Variants in SEMA3G observed in about 807,000 individuals in gnomAD.
SEMA3G encodes semaphorin 3G.
Under a neutral mutation model 86.2 loss-of-function variants are expected in SEMA3G, and 70 were observed. The ratio of observed to expected loss-of-function variants is 0.81; its 90% CI spans 0.67 to 0.99. The LOEUF is 0.99. Among genes scored for constraint, SEMA3G ranks in the 50% least tolerant of loss-of-function variants. The pLI, the probability that SEMA3G is intolerant of heterozygous loss-of-function variation, is 0.00. For synonymous variants in SEMA3G, 416 were observed against 441.4 expected (o/e 0.94, Z 0.72); for missense variants, 1,002 against 1,072.4 (o/e 0.93, Z 0.92).
At chr3:52,439,591 C>T (rs1334416301) in intron 12 of SEMA3G, 89 bp downstream of exon 12, 2 of 1,054,486 alleles carry the variant, frequency 1.9e-6, no homozygotes, top group Non-Finnish European at 2.9e-6. Flanking sequence ...CAGGCTGGCT[C>T]CCTACTGGGC....
chr3:52,435,990 G>T lies in SEMA3G; in HGVS notation c.1962C>A (p.Thr654=). The T allele has an allele frequency of 6.2e-7, 1 of 1,613,940 alleles. No homozygotes were observed. Among genetic ancestry groups the T allele is most frequent in the Non-Finnish European group, 8.5e-7 (1 of 1,180,038 alleles). The change falls in exon 16 of 16, where the codon ACC becomes ACA. Residue 654 remains threonine (T), a synonymous_variant. Transcript: ENST00000231721. ...AGAAGCCATGCTCCAGAGTGGTGCA[G>T]GTGTAGGTGCCCGCATCGAAACGGC... is the stretch of plus-strand genomic sequence containing the variant. ...RLSRFDAGTY[T]CTTLEHGFSQ...
chr3:52,444,805 C>G (rs930560394), intron 1 of SEMA3G, 108 bp downstream of exon 1: 17 of 523,880 alleles, frequency 3.2e-5, no homozygotes, highest in Non-Finnish European at 4.1e-5. Context: ...ACACGGCACA[C>G]GCACCCAAAC....
Position 52,441,273 on chromosome 3 carries a change from G to C in SEMA3G, c.804C>G (p.Arg268=). The C allele has an allele frequency of 6.2e-7, 1 of 1,613,210 alleles. No homozygotes were observed. Among genetic ancestry groups the C allele is most frequent in the Admixed American group, 1.7e-5 (1 of 59,992 alleles). ...SNHVTVSRVG[R]VCVNDAGGQR... ...CCTTCCCAGCTCTTACCACGCAGAC[G>C]CGGCCCACGCGGCTGACAGTGACAT... Residue 268 remains arginine, a synonymous_variant, in exon 7 of 16, where the codon CGC becomes CGG. Coordinates refer to ENST00000231721, the MANE Select transcript of SEMA3G (RefSeq NM_020163.3).
chr3:52,444,203 GC>G (rs997429310), intron 1 of SEMA3G, among the ~76,000 whole-genome samples: 2 of 152,084 alleles, frequency 1.3e-5, no homozygotes, highest in Non-Finnish European at 2.9e-5. Context: ...AGACCCTTCA[GC>G]CCCACCCTCT....
At chr3:52,437,457 G>T (rs1410172910) in intron 15 of SEMA3G, 70 bp downstream of exon 15, 4 of 1,483,252 alleles carry the variant, frequency 2.7e-6, no homozygotes, top group Non-Finnish European at 3.7e-6. Flanking sequence ...TGGGGCTCAG[G>T]TCTTGGGGTT....
rs200205387 is a variant in SEMA3G at position 52,435,607 on chromosome 3, G to A, written c.2345C>T (p.Thr782Met). The change falls in exon 16 of 16, where the codon ACG (threonine) becomes ATG (methionine). Residue 782 changes from threonine to methionine, a missense_variant. Coordinates refer to ENST00000231721, the MANE Select transcript of SEMA3G (RefSeq NM_020163.3). ...HNRTPREVEAT is the reference protein window; with the variant it reads ...HNRTPREVEAM The stretch of plus-strand genomic sequence containing the variant: ...CCACCCCTCCTCTGCCCCCTTCTAC[G>A]TGGCCTCCACCTCCCGGGGCGTCCG... 9 of 1,609,438 alleles carry A rather than the reference G, an allele frequency of 5.6e-6. No homozygotes were observed. Among genetic ancestry groups the A allele is most frequent in the Admixed American group, 1.7e-5 (1 of 59,872 alleles).
chr3:52,444,503 GGCACACGCACACAAACTC>G, intron 1 of SEMA3G, among the ~76,000 whole-genome samples: 1 of 149,548 alleles, frequency 6.7e-6, no homozygotes, highest in Non-Finnish European at 1.5e-5. Context: ...ACACAAACAT[GGCACACGCACACAAACTC>G]GGCACACGCA....
At position 52,442,755 on chromosome 3, in the gene SEMA3G, G is replaced by T. The variant is rs1453380661; in HGVS notation, c.268C>A (p.Pro90Thr). 5.0e-6 allele frequency: 8 copies of T among 1,613,950 alleles called. No homozygotes were observed. The East Asian group carries it at 1.8e-4, about 36-fold the overall frequency. The change falls in exon 2 of 16, where the codon CCC (proline) becomes ACC (threonine). Residue 90 changes from proline (P) to threonine (T), a missense_variant. By Grantham distance (38) the Pro-to-Thr change is conservative. Coordinates refer to ENST00000231721, the MANE Select transcript of SEMA3G (RefSeq NM_020163.3). The surrounding 1 kb of genome is among the most constrained non-coding windows in gnomAD (Gnocchi z 6.1). ...SLRLDQAWPDPREVLWPPQPG... is the reference protein window; with the variant it reads ...SLRLDQAWPDTREVLWPPQPG... Reference sequence around the variant, plus strand: ...CTGCCAGTCCAGCTCACCTCCCGGGGATCTGGCCATGCCTGGTCCAGCCGC... The same window carrying T: ...CTGCCAGTCCAGCTCACCTCCCGGGTATCTGGCCATGCCTGGTCCAGCCGC...
chr3:52,441,832 G>A lies in SEMA3G; in HGVS notation c.537C>T (p.Ala179=). The change falls in exon 5 of 16, where the codon GCC becomes GCT. Residue 179 remains alanine, a synonymous_variant. Transcript: ENST00000231721. ...RCPHEPSRPF[A]STFIDGELYT... ...GGCATCACCCACCTATGAAGGTGCT[G>A]GCAAAGGGACGGCTGGGCTCGTGAG... 6.2e-7 allele frequency: 1 copy of A among 1,606,566 alleles called. No individual in the cohort carries two copies. The highest frequency in any genetic ancestry group is 8.5e-7 in the Non-Finnish European group (1 of 1,176,748).
rs747560859 is a variant in SEMA3G, at chr3:52,441,303, C to T, written c.774G>A (p.Ser258=). Residue 258 remains serine (S), a synonymous_variant, in exon 7 of 16, where the codon TCG becomes TCA. Transcript: ENST00000231721. Reference sequence around the variant, plus strand: ...CCACGCGGCTGACAGTGACATGGTTCGAGCCACCATCGGGCGAGGGGACCG... The same window carrying T: ...CCACGCGGCTGACAGTGACATGGTTTGAGCCACCATCGGGCGAGGGGACCG... ...SETVPSPDGG[S]NHVTVSRVGR... 1.1e-4 allele frequency: 183 copies of T among 1,613,520 alleles called. No homozygotes were observed. Among genetic ancestry groups the T allele is most frequent in the Non-Finnish European group, 1.5e-4 (175 of 1,180,042 alleles).
In SEMA3G at chr3:52,436,024, C is replaced by A. The variant is rs758884166; in HGVS notation, c.1928G>T (p.Arg643Leu). ...VLHTERGLLF[R>L]RLSRFDAGTY... ...GCCCGCATCGAAACGGCTAAGCCTG[C>A]GGAACAGCAGCCCCCGCTCCGTGTG... Residue 643 changes from arginine to leucine, a missense_variant, in exon 16 of 16, where the codon CGC becomes CTC. Arg to Leu is a moderately radical substitution (Grantham distance 102, BLOSUM62 -2). Transcript: ENST00000231721. The A allele has an allele frequency of 1.4e-5, 23 of 1,613,204 alleles. No homozygotes were observed. Among genetic ancestry groups the A allele is most frequent in the Non-Finnish European group, 1.7e-5 (20 of 1,179,938 alleles).
In SEMA3G at chr3:52,438,187, C is replaced by T. The variant is rs759202132; in HGVS notation, c.1522G>A (p.Val508Met). The change falls in exon 14 of 16, where the codon GTG becomes ATG. Residue 508 changes from valine to methionine, a missense_variant. Val to Met is a conservative substitution (Grantham distance 21, BLOSUM62 1). Transcript: ENST00000231721. ...TGGGCCACACCCAGCCGAGAGCCCA[C>T]GTATAGCATTTGCTGGGGAGGGACA... ...EISVKRQMLY[V>M]GSRLGVAQLR... 3.7e-6 allele frequency: 6 copies of T among 1,612,884 alleles called. No homozygotes were observed. Among genetic ancestry groups the T allele is most frequent in the African/African-American group, 1.3e-5 (1 of 74,948 alleles).
chr3:52,442,954 G>C lies in SEMA3G; in HGVS notation c.116-47C>G. The C allele has an allele frequency of 6.4e-7, 1 of 1,556,400 alleles. No individual in the cohort carries two copies. The highest frequency in any genetic ancestry group is 2.4e-5 in the East Asian group (1 of 41,276). ...CAGATCAGGGCCACAGCTCAGCCTA[G>C]TTCCCCAGCCAAGGAGTGGAGGTGG... On this transcript the variant is annotated intron_variant, in intron 1 of 15. Transcript: ENST00000231721. This position sits in a 1 kb window ranked among gnomAD's most constrained non-coding sequence, Gnocchi z 6.1.
At chr3:52,443,969 G>A (rs2153229751) in intron 1 of SEMA3G, among the ~76,000 whole-genome samples, 1 of 152,292 alleles carries the variant, frequency 6.6e-6, no homozygotes, top group African/African-American at 2.4e-5. Flanking sequence ...ACATGTCTAG[G>A]GTAGAACACA....
chr3:52,442,504 TG>T lies in SEMA3G; in HGVS notation c.339+54del, dbSNP rs2153229715. 1 of 1,595,576 alleles carries T rather than the reference TG, an allele frequency of 6.3e-7. No homozygotes were observed. Among genetic ancestry groups the T allele is most frequent in the Non-Finnish European group, 8.6e-7 (1 of 1,163,656 alleles). On this transcript the variant is annotated intron_variant, in intron 3 of 15. Transcript: ENST00000231721. The surrounding 1 kb of genome is among the most constrained non-coding windows in gnomAD (Gnocchi z 6.1). ...CCTGGGGCGTGGTCACGGATTGTCC[TG>T]GGGGTCAGGGCAGGGTGTCAGGTCG... is the stretch of plus-strand genomic sequence containing the variant.
Position 52,437,507 on chromosome 3 carries a change from G to A in SEMA3G, c.1878+20C>T. ...ACCTCAGGACACACAGAGGCTAGAG[G>A]CAGGGGTCTCCTCACTCACCTGGTC... On this transcript the variant is annotated intron_variant, in intron 15 of 15. Transcript: ENST00000231721. 6.2e-7 allele frequency: 1 copy of A among 1,605,310 alleles called. No homozygotes were observed. The highest frequency in any genetic ancestry group is 8.5e-7 in the Non-Finnish European group (1 of 1,174,760).
rs1307554586 is a variant in SEMA3G, at chr3:52,433,523, C to G, written c.*2080G>C. 1 of 152,656 alleles carries G rather than the reference C, an allele frequency of 6.6e-6. No homozygotes were observed. Among genetic ancestry groups the G allele is most frequent in the Non-Finnish European group, 1.5e-5 (1 of 68,048 alleles). The allele number at this position is 152,656 out of a possible 1,614,324, so 9.5% of individuals were successfully genotyped here. On this transcript the variant is annotated 3_prime_UTR_variant, in exon 16 of 16. Transcript: ENST00000231721. ...AACAACTCGCATTTACGGGGCGTTTCCAGGAGTTAATAGCATACAGTACCA... is the reference window on the plus strand; with the variant it reads ...AACAACTCGCATTTACGGGGCGTTTGCAGGAGTTAATAGCATACAGTACCA...
chr3:52,439,089 G>T, intron 12 of SEMA3G, 128 bp from the exon 13 acceptor site: 1 of 933,604 alleles, frequency 1.1e-6, no homozygotes, highest in Non-Finnish European at 1.6e-6. Flanking sequence ...TGCACTCCCT[G>T]GCAGCTAAGG....
chr3:52,439,797 G>C (rs749594986), intron 11 of SEMA3G, 26 bp from the exon 12 acceptor site: 2 of 1,610,916 alleles, frequency 1.2e-6, no homozygotes, highest in Non-Finnish European at 1.7e-6. Flanking sequence ...AGGGGTCAGC[G>C]GGACAGGAGG....
Sources: allele counts gnomAD v4.1 joint callset (sites outside exome capture counted in the v4.1 genomes callset), GRCh38; gene constraint gnomAD v4.1.1; non-coding constraint Gnocchi (gnomAD v3.1); transcripts MANE v1.5; gene names NCBI Gene and HGNC (gene_info 2026-07-23, HGNC 2026-07-21).